LIPI: variants seen among roughly 807,000 people sequenced by gnomAD.
LIPI encodes the protein lipase member I.
A neutral mutation model predicts 50.6 loss-of-function variants in LIPI; 59 were observed. That is an observed-to-expected ratio of 1.16 (90% CI 0.94 to 1.45). The LOEUF (loss-of-function observed/expected upper bound fraction) is 1.45, where lower values mean the gene tolerates loss of function less well. Ranked by LOEUF, LIPI falls within the 40% of genes most tolerant of loss-of-function variation. The probability of loss-of-function intolerance (pLI) is 0.00; values close to 1 mark genes in which losing one functional copy is unlikely to be tolerated. For missense variants in LIPI, 586 were observed against 536.3 expected (o/e 1.09, Z -0.92); for synonymous variants, 203 against 178.2 (o/e 1.14, Z -1.11).
At chr21:14,203,696 AG>A (rs71330042) in intron 1 of LIPI, among the ~76,000 whole-genome samples, 1 of 151,348 alleles carries the variant, frequency 6.6e-6, no homozygotes, top group African/African-American at 2.4e-5. Flanking sequence ...GGGTGTGGGT[AG>A]GGGGGAGGGA....
At chr21:14,157,499 G>A (rs912967694) in intron 7 of LIPI, among the ~76,000 whole-genome samples, 10 of 151,916 alleles carry the variant, frequency 6.6e-5, no homozygotes, top group South Asian at 4.2e-4. Flanking sequence ...TGACATATAC[G>A]GAGATCCACC....
intron 7 of LIPI, among the ~76,000 whole-genome samples, chr21:14,159,510 G>A (rs2018388818): frequency 6.6e-6 from 1 of 151,158 alleles, no homozygotes; most frequent in African/African-American, 2.4e-5. Flanking sequence ...CAATTTTATA[G>A]TGTATCTACA....
chr21:14,133,025 A>T (rs1420558068), intron 9 of LIPI, among the ~76,000 whole-genome samples: 2 of 152,120 alleles, frequency 1.3e-5, no homozygotes, highest in East Asian at 3.9e-4. Flanking sequence ...AACAACAACA[A>T]CAACAAAAAA....
chr21:14,191,332 C>G (rs1447612121), intron 1 of LIPI, among the ~76,000 whole-genome samples: 10 of 147,816 alleles, frequency 6.8e-5, no homozygotes, highest in Non-Finnish European at 1.5e-4. Flanking sequence ...AGCCGAGATC[C>G]CGCCACTGCA....
chr21:14,194,237 G>T (rs2019770135), intron 1 of LIPI, among the ~76,000 whole-genome samples: 1 of 152,082 alleles, frequency 6.6e-6, no homozygotes, highest in Non-Finnish European at 1.5e-5. Flanking sequence ...TGTGGAAAAT[G>T]GTATGGTGGC....
At chr21:14,185,061 CAAAA>C (rs1308690395) in intron 3 of LIPI, among the ~76,000 whole-genome samples, 1 of 151,204 alleles carries the variant, frequency 6.6e-6, no homozygotes. Flanking sequence ...TTTTTCAAAA[CAAAA>C]AAGGTAAATT....
intron 9 of LIPI, among the ~76,000 whole-genome samples, chr21:14,121,388 G>T (rs1229605759): frequency 6.6e-6 from 1 of 152,122 alleles, no homozygotes; most frequent in Non-Finnish European, 1.5e-5. Context: ...TCTGAGTCAG[G>T]TGTACCCCTA....
At chr21:14,209,942 T>C (rs1342268245) in intron 1 of LIPI, among the ~76,000 whole-genome samples, 1 of 151,982 alleles carries the variant, frequency 6.6e-6, no homozygotes, top group Non-Finnish European at 1.5e-5. Context: ...TTAGTTTCTA[T>C]ATTTAAATAT....
At chr21:14,206,765 C>T in intron 1 of LIPI, 3 of 1,119,056 alleles carry the variant, frequency 2.7e-6, no homozygotes, top group South Asian at 1.3e-5. Flanking sequence ...TATATTTCCT[C>T]TTCTTTTCTT....
intron 3 of LIPI, among the ~76,000 whole-genome samples, chr21:14,183,703 C>T (rs1392777656): frequency 6.6e-6 from 1 of 152,158 alleles, no homozygotes; most frequent in African/African-American, 2.4e-5. Flanking sequence ...GACACCTATG[C>T]AGCCAAAAAA....
chr21:14,111,730 A>G (rs759783888), intron 9 of LIPI, among the ~76,000 whole-genome samples: 13 of 152,204 alleles, frequency 8.5e-5, no homozygotes, highest in Admixed American at 1.3e-4. Flanking sequence ...CAAGCCTTAG[A>G]TTTTAGTCTT....
chr21:14,133,199 A>C (rs549926266), intron 9 of LIPI, among the ~76,000 whole-genome samples: 4 of 152,204 alleles, frequency 2.6e-5, no homozygotes, highest in Non-Finnish European at 5.9e-5. Flanking sequence ...AGATAAAGAC[A>C]CAACAAAACT....
chr21:14,178,786 T>C (rs1297552895), intron 4 of LIPI, among the ~76,000 whole-genome samples: 1 of 152,176 alleles, frequency 6.6e-6, no homozygotes, highest in Non-Finnish European at 1.5e-5. Context: ...CCTGGCTATC[T>C]TGGATGCTAA....
At position 14,144,624 on chromosome 21, in the gene LIPI, T is replaced by C; in HGVS notation, c.1294A>G (p.Arg432Gly). Residue 432 changes from arginine (R) to glycine (G), a missense_variant and splice_region_variant, in exon 9 of 10, where the codon AGA becomes GGA. Coordinates refer to ENST00000681601, the MANE Select transcript of LIPI (RefSeq NM_001302998.2). ...LMLKSLTYPE[R>G]PPLCRYNIVL... ...GAAATCAAAATTTAATTTTCTTACC[T>C]TTCTGGGTATGTAAGTGATTTTAAC... 6.7e-7 allele frequency: 1 copy of C among 1,490,526 alleles called. No individual in the cohort carries two copies. Among genetic ancestry groups the C allele is most frequent in the South Asian group, 1.2e-5 (1 of 86,152 alleles). 92.3% of individuals were successfully genotyped at this position (1,490,526 alleles called of 1,614,324 possible).
chr21:14,148,860 C>G (rs547231294), intron 8 of LIPI, among the ~76,000 whole-genome samples: 3 of 152,186 alleles, frequency 2.0e-5, no homozygotes, highest in African/African-American at 7.2e-5. Flanking sequence ...CGTATATGTT[C>G]CTGTATTTTA....
intron 4 of LIPI, among the ~76,000 whole-genome samples, chr21:14,173,323 A>T (rs775320130): frequency 1.3e-5 from 2 of 152,222 alleles, no homozygotes; most frequent in Non-Finnish European, 2.9e-5. Flanking sequence ...ACTGGAAAAA[A>T]ATCTAACAAC....
Position 14,189,170 on chromosome 21 carries a change from A to C in LIPI, c.296T>G (p.Ile99Ser), listed in dbSNP as rs200669676. The C allele has an allele frequency of 1.4e-5, 23 of 1,613,974 alleles. No individual in the cohort carries two copies. The highest frequency in any genetic ancestry group is 1.8e-5 in the Non-Finnish European group (21 of 1,180,016). Residue 99 changes from isoleucine to serine, a missense_variant, in exon 2 of 10, where the codon ATT (isoleucine) becomes AGT (serine). Ile to Ser is a moderately radical substitution (Grantham distance 142). Transcript: ENST00000681601. Reference protein sequence around the residue: ...IPLWLQNFVRILLNEEDMNVI... With the variant: ...IPLWLQNFVRSLLNEEDMNVI... ...ATTCATATCTTCTTCATTCAGCAAA[A>C]TCCTTACGAAGTTCTGAAGCCATAA...
At chr21:14,190,135 A>C (rs778632289) in intron 1 of LIPI, among the ~76,000 whole-genome samples, 1 of 152,142 alleles carries the variant, frequency 6.6e-6, no homozygotes, top group Non-Finnish European at 1.5e-5. Context: ...CCATGTGTGC[A>C]TTCTATAACT....
intron 1 of LIPI, among the ~76,000 whole-genome samples, chr21:14,203,627 T>C (rs1208312129): frequency 6.6e-6 from 1 of 152,046 alleles, no homozygotes; most frequent in African/African-American, 2.4e-5. Context: ...AGGTGGGAAT[T>C]GAACAATGAG....
Sources: gnomAD v4.1 joint callset for allele counts (sites outside exome capture counted in the v4.1 genomes callset) on GRCh38, gnomAD v4.1.1 for gene constraint, MANE v1.5 for transcripts, NCBI Gene and HGNC (gene_info 2026-07-23, HGNC 2026-07-21) for gene names.